KAZN: variants seen among roughly 807,000 people sequenced by gnomAD.
KAZN encodes kazrin.
KAZN carries 40 observed loss-of-function variants against 87.4 expected under a neutral mutation model. The ratio of observed to expected loss-of-function variants is 0.46; its 90% CI spans 0.36 to 0.60. The LOEUF is 0.60. Ranked by LOEUF, KAZN falls within the 20% of genes least tolerant of loss-of-function variation. KAZN has a pLI of 0.00. For missense variants in KAZN, 898 were observed against 1,073.9 expected, an observed-to-expected ratio of 0.84 and a Z score of 2.29; for synonymous variants, 466 against 458.3, an observed-to-expected ratio of 1.02 and a Z score of -0.22.
intron 1 of KAZN, among the ~76,000 whole-genome samples, chr1:13,950,175 C>T (rs2100994067): frequency 1.3e-5 from 2 of 152,204 alleles, no homozygotes; most frequent in Admixed American, 6.5e-5. Context: ...TCCCTCTTGG[C>T]CTTTGTCATT....
At chr1:14,417,995 A>G (rs1388410943) in intron 2 of KAZN, among the ~76,000 whole-genome samples, 5 of 12,780 alleles carry the variant, frequency 3.9e-4, no homozygotes, top group African/African-American at 2.3e-3. Context: ...GACTGCCTCA[A>G]AAAAAAAAAA....
chr1:14,631,651 G>A (rs933280658), intron 1 of KAZN, among the ~76,000 whole-genome samples: 5 of 152,250 alleles, frequency 3.3e-5, no homozygotes, highest in South Asian at 2.1e-4. Context: ...GATTATGCAC[G>A]TTGCAGCTTC....
intron 1 of KAZN, among the ~76,000 whole-genome samples, chr1:14,857,930 C>T (rs1230469423): frequency 1.3e-5 from 2 of 152,148 alleles, no homozygotes. Flanking sequence ...CCAAAAGATA[C>T]TCTGTACCTA....
chr1:14,744,035 T>G (rs1176064250), intron 1 of KAZN, among the ~76,000 whole-genome samples: 1 of 152,078 alleles, frequency 6.6e-6, no homozygotes, highest in Non-Finnish European at 1.5e-5. Flanking sequence ...GTACAGGCTA[T>G]CAAGAGAAAC....
intron 2 of KAZN, among the ~76,000 whole-genome samples, chr1:14,483,334 G>A (rs772543784): frequency 6.6e-6 from 1 of 152,102 alleles, no homozygotes; most frequent in Non-Finnish European, 1.5e-5. Context: ...CGTCAGAGGG[G>A]AGCAAAAACA....
intron 1 of KAZN, among the ~76,000 whole-genome samples, chr1:14,956,299 GAAAAA>G (rs35057453): frequency 1.5e-4 from 15 of 99,592 alleles, no homozygotes; most frequent in African/African-American, 6.3e-4. Context: ...AGAAGTCACT[GAAAAA>G]AAAAAAAAAA....
At chr1:14,303,919 G>A (rs986059137) in intron 2 of KAZN, among the ~76,000 whole-genome samples, 12 of 152,056 alleles carry the variant, frequency 7.9e-5, no homozygotes, top group East Asian at 5.8e-4. Context: ...TCTCCAGTGC[G>A]TCATTTATCT....
At chr1:14,673,295 C>A (rs1640024086) in intron 1 of KAZN, among the ~76,000 whole-genome samples, 1 of 152,204 alleles carries the variant, frequency 6.6e-6, no homozygotes, top group Non-Finnish European at 1.5e-5. Context: ...CCAGGGCTGG[C>A]CCTGGATGGA....
At chr1:13,992,864 C>G (rs922755103) in intron 1 of KAZN, among the ~76,000 whole-genome samples, 1 of 152,052 alleles carries the variant, frequency 6.6e-6, no homozygotes, top group African/African-American at 2.4e-5. Context: ...AATGTGGTTC[C>G]CCAGTTGGCT....
chr1:14,566,745 C>G (rs766887411), intron 2 of KAZN, among the ~76,000 whole-genome samples: 3 of 152,208 alleles, frequency 2.0e-5, no homozygotes, highest in Non-Finnish European at 2.9e-5. Flanking sequence ...TACACCAATG[C>G]CTTTTTTCCT....
rs1180922236 is a variant in KAZN, at chr1:14,047,267, G to A, written c.92-133168G>A. Among the ~76,000 whole-genome samples the A allele has an allele frequency of 2.0e-5, 3 of 152,166 alleles. No homozygotes were observed. The East Asian group carries it at 5.8e-4, about 29-fold the overall frequency. On this transcript the variant is annotated intron_variant, in intron 1 of 16. Coordinates refer to the KAZN transcript ENST00000636203. ...GCTGGCTTCTGAAGCTTCTTCACAG[G>A]ATCCTAAGCTCTAATGAGCACATCT...
chr1:14,094,755 T>C (rs1644089255), intron 1 of KAZN, among the ~76,000 whole-genome samples: 1 of 152,196 alleles, frequency 6.6e-6, no homozygotes, highest in South Asian at 2.1e-4. Flanking sequence ...AGGTTCTTTC[T>C]ACACAATTCA....
At chr1:14,449,776 G>A (rs760494540) in intron 2 of KAZN, among the ~76,000 whole-genome samples, 5 of 152,074 alleles carry the variant, frequency 3.3e-5, no homozygotes, top group Admixed American at 1.3e-4. Flanking sequence ...GGGATCATCC[G>A]GTTTGCTGCT....
At chr1:14,374,420 G>A (rs1293848327) in intron 2 of KAZN, among the ~76,000 whole-genome samples, 2 of 152,188 alleles carry the variant, frequency 1.3e-5, no homozygotes, top group African/African-American at 4.8e-5. Flanking sequence ...TCTGCAAGCT[G>A]TTCAGATCCC....
intron 1 of KAZN, among the ~76,000 whole-genome samples, chr1:13,951,623 GATAATAATAATAATAATAATAATA>G (rs6143132): frequency 0.76 from 113,368 of 148,418 alleles, 43,640 homozygotes; most frequent in South Asian, 0.88. Context: ...CTAAAATGGA[GATAATAATAATAATAATAATAATA>G]ATAATAATAA....
chr1:14,320,215 A>C (rs1274096127), intron 2 of KAZN, among the ~76,000 whole-genome samples: 1 of 152,150 alleles, frequency 6.6e-6, no homozygotes, highest in Non-Finnish European at 1.5e-5. Context: ...GAGGCAGGGA[A>C]GCGCAATATG....
intron 1 of KAZN, among the ~76,000 whole-genome samples, chr1:14,095,434 C>A (rs1187539691): frequency 6.6e-6 from 1 of 152,204 alleles, no homozygotes; most frequent in Non-Finnish European, 1.5e-5. Context: ...CCATCTACTA[C>A]ATAGTGGCAT....
chr1:14,885,585 C>G (rs574041461), intron 1 of KAZN, among the ~76,000 whole-genome samples: 1 of 152,040 alleles, frequency 6.6e-6, no homozygotes, highest in Non-Finnish European at 1.5e-5. Flanking sequence ...TAGGTTCAAG[C>G]GATCCTCCCA....
intron 1 of KAZN, among the ~76,000 whole-genome samples, chr1:14,913,800 G>T (rs577184910): frequency 1.3e-5 from 2 of 152,250 alleles, no homozygotes; most frequent in Admixed American, 6.5e-5. Flanking sequence ...TCTGGTGGGC[G>T]GGTAGACAGG....
Sources: allele counts gnomAD v4.1 joint callset (sites outside exome capture counted in the v4.1 genomes callset), GRCh38; gene constraint gnomAD v4.1.1; transcripts MANE v1.5; gene names NCBI Gene and HGNC (gene_info 2026-07-23, HGNC 2026-07-21).